KLLN: variants seen among roughly 807,000 people sequenced by gnomAD.
KLLN encodes the protein killin, p53 regulated DNA replication inhibitor, also known as killin.
For missense variants in KLLN, 340 were observed against 241.3 expected, an observed-to-expected ratio of 1.41 and a Z score of -2.71; for synonymous variants, 142 against 102.2, an observed-to-expected ratio of 1.39 and a Z score of -2.35.
rs991822493 is a variant in KLLN at position 87,859,498 on chromosome 10, C to T, written c.*2453G>A. The T allele has an allele frequency of 1.3e-5, 2 of 152,146 alleles. No homozygotes were observed. The highest frequency in any genetic ancestry group is 3.8e-4 in the East Asian group (2 of 5,202). The allele number at this position is 152,146 out of a possible 1,614,324, so 9.4% of individuals were successfully genotyped here. A position where few individuals can be genotyped will look rare whatever the true frequency, so the allele number is the denominator to read the frequency against. ...CATCAAGTATTTATATCATCCACAT[C>T]AAGTTGCTGGTCATTTCGCTTATCA... is the stretch of plus-strand genomic sequence containing the variant. On this transcript the variant is annotated 3_prime_UTR_variant, in exon 1 of 1. Transcript: ENST00000445946.
In KLLN at chr10:87,862,265, T is replaced by C; in HGVS notation, c.223A>G (p.Lys75Glu). ...SRVSLVGELS[K>E]FPLPSDSSGG... ...GAGCTATCACTGGGGAGTGGGAATT[T>C]GGAAAGTTCCCCAACTAGGGACACA... The change falls in exon 1 of 1, where the codon AAA becomes GAA. Residue 75 changes from lysine (K) to glutamate (E), a missense_variant. Coordinates refer to ENST00000445946, the MANE Select transcript of KLLN (RefSeq NM_001126049.2). 1.3e-6 allele frequency: 2 copies of C among 1,551,706 alleles called. No individual in the cohort carries two copies. Among genetic ancestry groups the C allele is most frequent in the Admixed American group, 2.0e-5 (1 of 51,008 alleles).
chr10:87,859,547 T>G lies in KLLN; in HGVS notation c.*2404A>C, dbSNP rs925240268. ...CAAAGAAAATAAGAAAGAAATTTTC[T>G]TTCGACATTATTTTGGTGTAGTAAC... On this transcript the variant is annotated 3_prime_UTR_variant, in exon 1 of 1. Coordinates refer to ENST00000445946, the MANE Select transcript of KLLN (RefSeq NM_001126049.2). The G allele has an allele frequency of 1.3e-5, 2 of 152,186 alleles. No homozygotes were observed. Among genetic ancestry groups the G allele is most frequent in the African/African-American group, 4.8e-5 (2 of 41,418 alleles). The allele number at this position is 152,186 out of a possible 1,614,324, so 9.4% of individuals were successfully genotyped here. A position where few individuals can be genotyped will look rare whatever the true frequency, so the allele number is the denominator to read the frequency against.
chr10:87,862,631 G>A lies in KLLN; in HGVS notation c.-144C>T, dbSNP rs940213352. On this transcript the variant is annotated 5_prime_UTR_variant, in exon 1 of 1. Transcript: ENST00000445946. ...TGGGGGCACCGGAGCGGGCGCAGGA[G>A]AGGCCTGCGGGGTGCGTCCCACTCA... 6 of 725,488 alleles carry A rather than the reference G, an allele frequency of 8.3e-6. No individual in the cohort carries two copies. The Admixed American group carries it at 1.8e-4, about 21-fold the overall frequency. The allele number at this position is 725,488 out of a possible 1,614,324, so 44.9% of individuals were successfully genotyped here.
At position 87,862,921 on chromosome 10, in the gene KLLN, G is replaced by A. The variant is rs1473908327; in HGVS notation, c.-434C>T. 1 of 205,318 alleles carries A rather than the reference G, an allele frequency of 4.9e-6. No individual in the cohort carries two copies. The highest frequency in any genetic ancestry group is 1.2e-4 in the South Asian group (1 of 8,336). The allele number at this position is 205,318 out of a possible 1,614,324, so 12.7% of individuals were successfully genotyped here. On this transcript the variant is annotated 5_prime_UTR_variant, in exon 1 of 1. Coordinates refer to ENST00000445946, the MANE Select transcript of KLLN (RefSeq NM_001126049.2). ...GGGGAAGGGGGAATCTCTAGGCAAA[G>A]GCTGTTACAGTCAAATCTCTGCGAA...
In KLLN at chr10:87,863,480, T is replaced by C. The variant is rs786204924; in HGVS notation, c.-993A>G. 4 of 381,836 alleles carry C rather than the reference T, an allele frequency of 1.0e-5. No homozygotes were observed. The South Asian group carries it at 4.3e-4, about 41-fold the overall frequency. 23.7% of individuals were successfully genotyped at this position (381,836 alleles called of 1,614,324 possible). On this transcript the variant is annotated 5_prime_UTR_variant, in exon 1 of 1. Transcript: ENST00000445946. ...CGGTCCCGTCCGCCTCTCGCTCGCC[T>C]CCCGCCTCCCCTCGGTCTTCCGAGG...
Position 87,862,795 on chromosome 10 carries a change from G to C in KLLN, c.-308C>G, listed in dbSNP as rs1858303232. 2.2e-6 allele frequency: 1 copy of C among 463,368 alleles called. No homozygotes were observed. Among genetic ancestry groups the C allele is most frequent in the Admixed American group, 3.7e-5 (1 of 27,086 alleles). 28.7% of individuals were successfully genotyped at this position (463,368 alleles called of 1,614,324 possible). A position where few individuals can be genotyped will look rare whatever the true frequency, so the allele number is the denominator to read the frequency against. On this transcript the variant is annotated 5_prime_UTR_variant, in exon 1 of 1. Transcript: ENST00000445946. ...GAGCCGAGTTACCGGGGAAGCGAGA[G>C]GTGGGGCGCTGCAAGGGAGCCGGAT...
In KLLN at chr10:87,863,516, C is replaced by G. The variant is rs1465513356; in HGVS notation, c.-1029G>C. The G allele has an allele frequency of 1.6e-5, 6 of 385,350 alleles. No individual in the cohort carries two copies. Among genetic ancestry groups the G allele is most frequent in the African/African-American group, 1.2e-4 (6 of 48,038 alleles). 23.9% of individuals were successfully genotyped at this position (385,350 alleles called of 1,614,324 possible). ...CTCGGTCTTCCGAGGCGCCCGGGCT[C>G]CCGGCGCGGCGGCGGAGGGGGCGGG... is the stretch of plus-strand genomic sequence containing the variant. On this transcript the variant is annotated 5_prime_UTR_variant, in exon 1 of 1. Transcript: ENST00000445946.
In KLLN at chr10:87,862,548, C is replaced by T. The variant is rs1858295334; in HGVS notation, c.-61G>A. The T allele has an allele frequency of 7.0e-7, 1 of 1,432,764 alleles. No homozygotes were observed. Among genetic ancestry groups the T allele is most frequent in the East Asian group, 2.5e-5 (1 of 40,066 alleles). The allele number at this position is 1,432,764 out of a possible 1,614,324, so 88.8% of individuals were successfully genotyped here. A position where few individuals can be genotyped will look rare whatever the true frequency, so the allele number is the denominator to read the frequency against. Reference sequence around the variant, plus strand: ...GGCTAGGTGGTCTCTGAGAACCGAGCTTGACTCCGACGCCGCGAACCGACC... The same window carrying T: ...GGCTAGGTGGTCTCTGAGAACCGAGTTTGACTCCGACGCCGCGAACCGACC... On this transcript the variant is annotated 5_prime_UTR_variant, in exon 1 of 1. Transcript: ENST00000445946.
rs1444990198 is a variant in KLLN at position 87,860,261 on chromosome 10, A to G, written c.*1690T>C. The G allele has an allele frequency of 1.3e-5, 2 of 152,064 alleles. No individual in the cohort carries two copies. The highest frequency in any genetic ancestry group is 2.1e-4 in the South Asian group (1 of 4,826). The allele number at this position is 152,064 out of a possible 1,614,324, so 9.4% of individuals were successfully genotyped here. A position where few individuals can be genotyped will look rare whatever the true frequency, so the allele number is the denominator to read the frequency against. On this transcript the variant is annotated 3_prime_UTR_variant, in exon 1 of 1. Coordinates refer to ENST00000445946, the MANE Select transcript of KLLN (RefSeq NM_001126049.2). ...ACTTAACACTAGGAACAGAAGGAGG[A>G]TTTTATTCACCAACTCCTAATAACC...
At position 87,862,294 on chromosome 10, in the gene KLLN, G is replaced by A. The variant is rs1341033748; in HGVS notation, c.194C>T (p.Ser65Leu). 1 of 1,551,766 alleles carries A rather than the reference G, an allele frequency of 6.4e-7. No homozygotes were observed. Among genetic ancestry groups the A allele is most frequent in the South Asian group, 1.2e-5 (1 of 84,068 alleles). The change falls in exon 1 of 1, where the codon TCA (serine) becomes TTA (leucine). Residue 65 changes from serine to leucine, a missense_variant. Ser to Leu is a moderately radical substitution (Grantham distance 145). Coordinates refer to ENST00000445946, the MANE Select transcript of KLLN (RefSeq NM_001126049.2). ...AAGTTCCCCAACTAGGGACACACGT[G>A]ACCTCCTTCGGAAAGTAGTTCCGAC... The part of the protein sequence containing the change: ...ATVGTTFRRR[S>L]RVSLVGELSK...
rs77542800 is a variant in KLLN at position 87,859,468 on chromosome 10, G to C, written c.*2483C>G. 2.7e-3 allele frequency: 410 copies of C among 152,244 alleles called. 10 individuals carry two copies. Among genetic ancestry groups the C allele is most frequent in the African/African-American group, 9.3e-3 (385 of 41,512 alleles). The allele number at this position is 152,244 out of a possible 1,614,324, so 9.4% of individuals were successfully genotyped here. A position where few individuals can be genotyped will look rare whatever the true frequency, so the allele number is the denominator to read the frequency against. On this transcript the variant is annotated 3_prime_UTR_variant, in exon 1 of 1. Coordinates refer to ENST00000445946, the MANE Select transcript of KLLN (RefSeq NM_001126049.2). Reference sequence around the variant, plus strand: ...GACATCTTAGCAGATGACCTACAAAGAGCACATCAAGTATTTATATCATCC... The same window carrying C: ...GACATCTTAGCAGATGACCTACAAACAGCACATCAAGTATTTATATCATCC...
Position 87,861,825 on chromosome 10 carries a change from G to A in KLLN, c.*126C>T. On this transcript the variant is annotated 3_prime_UTR_variant, in exon 1 of 1. Coordinates refer to ENST00000445946, the MANE Select transcript of KLLN (RefSeq NM_001126049.2). The stretch of plus-strand genomic sequence containing the variant: ...GATACCCTCAAGCACAGAACCAAAA[G>A]GGTTCACCCTAAGCGGCAGGGCATC... The A allele has an allele frequency of 2.4e-6, 2 of 848,980 alleles. No homozygotes were observed. Among genetic ancestry groups the A allele is most frequent in the Non-Finnish European group, 3.5e-6 (2 of 570,464 alleles). 52.6% of individuals were successfully genotyped at this position (848,980 alleles called of 1,614,324 possible).
rs1215170154 is a variant in KLLN at position 87,861,413 on chromosome 10, A to AT, written c.*537dup. 1 of 152,744 alleles carries AT rather than the reference A, an allele frequency of 6.5e-6. No homozygotes were observed. Among genetic ancestry groups the AT allele is most frequent in the Admixed American group, 6.5e-5 (1 of 15,272 alleles). The allele number at this position is 152,744 out of a possible 1,614,324, so 9.5% of individuals were successfully genotyped here. A position where few individuals can be genotyped will look rare whatever the true frequency, so the allele number is the denominator to read the frequency against. On this transcript the variant is annotated 3_prime_UTR_variant, in exon 1 of 1. Coordinates refer to ENST00000445946, the MANE Select transcript of KLLN (RefSeq NM_001126049.2). ...TGCTTCAACCTAGGTCTCGTTAGAT[A>AT]TTTTTTGACTCAAATTGTCGTCTGT...
chr10:87,861,667 A>G lies in KLLN; in HGVS notation c.*284T>C, dbSNP rs1049035850. ...ACAGGTTTGTTCTGGGCTGACGGCC[A>G]TTGACTAGGTTCTCAGACCAGATAA... On this transcript the variant is annotated 3_prime_UTR_variant, in exon 1 of 1. Coordinates refer to ENST00000445946, the MANE Select transcript of KLLN (RefSeq NM_001126049.2). The G allele has an allele frequency of 8.3e-6, 3 of 361,484 alleles. No individual in the cohort carries two copies. The highest frequency in any genetic ancestry group is 6.2e-5 in the African/African-American group (3 of 48,480). 22.4% of individuals were successfully genotyped at this position (361,484 alleles called of 1,614,324 possible).
chr10:87,862,767 A>C lies in KLLN; in HGVS notation c.-280T>G. The C allele has an allele frequency of 2.1e-6, 1 of 476,446 alleles. No homozygotes were observed. Among genetic ancestry groups the C allele is most frequent in the Non-Finnish European group, 3.9e-6 (1 of 256,360 alleles). 29.5% of individuals were successfully genotyped at this position (476,446 alleles called of 1,614,324 possible). A position where few individuals can be genotyped will look rare whatever the true frequency, so the allele number is the denominator to read the frequency against. ...GCTGAGAGCTTTCATTTTTAGGGCA[A>C]ACGAGCCGAGTTACCGGGGAAGCGA... On this transcript the variant is annotated 5_prime_UTR_variant, in exon 1 of 1. Transcript: ENST00000445946.
chr10:87,862,591 G>T lies in KLLN; in HGVS notation c.-104C>A. ...AACCGACCTGGAGCCCGAGGGGAAA[G>T]ATGCTCGACTCTCTTGGGGGCACCG... On this transcript the variant is annotated 5_prime_UTR_variant, in exon 1 of 1. Coordinates refer to ENST00000445946, the MANE Select transcript of KLLN (RefSeq NM_001126049.2). 1 of 1,084,746 alleles carries T rather than the reference G, an allele frequency of 9.2e-7. No individual in the cohort carries two copies. The highest frequency in any genetic ancestry group is 1.6e-5 in the South Asian group (1 of 62,630). 67.2% of individuals were successfully genotyped at this position (1,084,746 alleles called of 1,614,324 possible). A position where few individuals can be genotyped will look rare whatever the true frequency, so the allele number is the denominator to read the frequency against.
rs1858293084 is a variant in KLLN, at chr10:87,862,503, C to G, written c.-16G>C. 6.5e-7 allele frequency: 1 copy of G among 1,534,322 alleles called. No homozygotes were observed. Among genetic ancestry groups the G allele is most frequent in the Middle Eastern group, 1.7e-4 (1 of 5,896 alleles). ...GGCGATCCATCCTGCCGGGTTTTCA[C>G]GGCGGCCAAGGGGGGGCGGGGCTAG... On this transcript the variant is annotated 5_prime_UTR_variant, in exon 1 of 1. Coordinates refer to ENST00000445946, the MANE Select transcript of KLLN (RefSeq NM_001126049.2).
rs769797542 is a variant in KLLN at position 87,862,496 on chromosome 10, G to T, written c.-9C>A. 4 of 1,536,540 alleles carry T rather than the reference G, an allele frequency of 2.6e-6. No homozygotes were observed. In the East Asian group the frequency reaches 9.9e-5, roughly 38 times the overall value. ...GGCCCCGGGCGATCCATCCTGCCGGGTTTTCACGGCGGCCAAGGGGGGGCG... is the reference window on the plus strand; with the variant it reads ...GGCCCCGGGCGATCCATCCTGCCGGTTTTTCACGGCGGCCAAGGGGGGGCG... On this transcript the variant is annotated 5_prime_UTR_variant, in exon 1 of 1. Coordinates refer to ENST00000445946, the MANE Select transcript of KLLN (RefSeq NM_001126049.2).
chr10:87,862,130 GGA>G, the KLLN span: 1 of 1,548,588 alleles, frequency 6.5e-7, no homozygotes, highest in Admixed American at 2.0e-5. Flanking sequence ...CGCTCCTTCG[GGA>G]GGCTGGTCCG....
Sources: gnomAD v4.1 joint callset for allele counts on GRCh38, gnomAD v4.1.1 for gene constraint, MANE v1.5 for transcripts, NCBI Gene and HGNC (gene_info 2026-07-23, HGNC 2026-07-21) for gene names.